The following MAN2A1 variants were observed in gnomAD, a reference collection of about 807,000 sequenced individuals.
MAN2A1 encodes the protein mannosidase alpha class 2A member 1.
In MAN2A1, 76 loss-of-function variants were observed where a neutral mutation model predicts 142.6. The observed-to-expected ratio is 0.53, with a 90% CI of 0.44 to 0.65. MAN2A1 has a LOEUF of 0.65. Ranked by LOEUF, MAN2A1 falls within the 30% of genes least tolerant of loss-of-function variation. The probability of loss-of-function intolerance (pLI) is 0.00; values close to 1 mark genes in which losing one functional copy is unlikely to be tolerated. For synonymous variants in MAN2A1, 559 were observed against 473.2 expected (o/e 1.18, Z -2.35); for missense variants, 1,311 against 1,365.1 (o/e 0.96, Z 0.62).
chr5:109,762,434 T>A (rs1311019469), intron 5 of MAN2A1, among the ~76,000 whole-genome samples: 1 of 152,182 alleles, frequency 6.6e-6, no homozygotes, highest in Non-Finnish European at 1.5e-5. Context: ...CACACATACA[T>A]ACATTTTGGC....
At position 109,832,432 on chromosome 5, in the gene MAN2A1, C is replaced by T. The variant is rs147119167; in HGVS notation, c.2566+8595C>T. The stretch of plus-strand genomic sequence containing the variant: ...TTAACAAACCACATCCTGCACCGCC[C>T]TTAATCCATTTAACCCTGAGTGGAC... On this transcript the variant is annotated intron_variant, in intron 16 of 21. Transcript: ENST00000261483. 9.0e-3 allele frequency among the ~76,000 whole-genome samples: 1,370 copies of T among 152,082 alleles called. 4 individuals carry two copies. Among genetic ancestry groups the T allele is most frequent in the Middle Eastern group, 0.034 (10 of 294 alleles).
At chr5:109,741,011 A>T (rs1469591082) in intron 4 of MAN2A1, among the ~76,000 whole-genome samples, 1 of 152,148 alleles carries the variant, frequency 6.6e-6, no homozygotes, top group African/African-American at 2.4e-5. Flanking sequence ...CATCAGTCCA[A>T]TATTACACAT....
At chr5:109,757,600 A>ATG (rs1396251995) in intron 5 of MAN2A1, among the ~76,000 whole-genome samples, 1 of 152,200 alleles carries the variant, frequency 6.6e-6, no homozygotes, top group African/African-American at 2.4e-5. Context: ...TTTCACATAA[A>ATG]TTCATAGATT....
At position 109,784,931 on chromosome 5, in the gene MAN2A1, T is replaced by C. The variant is rs1348403119; in HGVS notation, c.1760+5T>C. ...GGTTGTGGATTATGGTACCAGGTAATCTAATTATAGAAAAATCATCTTTAA... is the reference window on the plus strand; with the variant it reads ...GGTTGTGGATTATGGTACCAGGTAACCTAATTATAGAAAAATCATCTTTAA... On this transcript the variant is annotated splice_donor_5th_base_variant and intron_variant, in intron 10 of 21. Coordinates refer to ENST00000261483, the MANE Select transcript of MAN2A1 (RefSeq NM_002372.4). 7.0e-6 allele frequency: 11 copies of C among 1,561,076 alleles called. No individual in the cohort carries two copies. Among genetic ancestry groups the C allele is most frequent in the African/African-American group, 1.4e-5 (1 of 72,220 alleles).
intron 17 of MAN2A1, among the ~76,000 whole-genome samples, chr5:109,843,462 T>C (rs1054633240): frequency 1.3e-5 from 2 of 152,166 alleles, no homozygotes; most frequent in African/African-American, 4.8e-5. Flanking sequence ...GGATACAAAG[T>C]CTATATTAGT....
At chr5:109,753,384 C>T (rs966626963) in intron 4 of MAN2A1, among the ~76,000 whole-genome samples, 6 of 152,052 alleles carry the variant, frequency 3.9e-5, no homozygotes, top group African/African-American at 1.4e-4. Flanking sequence ...TAAAGAAGGG[C>T]GTTTTTTAGA....
At chr5:109,784,417 T>G (rs1235553361) in intron 9 of MAN2A1, among the ~76,000 whole-genome samples, 1 of 152,158 alleles carries the variant, frequency 6.6e-6, no homozygotes, top group Non-Finnish European at 1.5e-5. Context: ...GAGAAATTTA[T>G]CCAATTTTTC....
chr5:109,858,813 T>C (rs1319894560), intron 20 of MAN2A1, among the ~76,000 whole-genome samples: 1 of 152,214 alleles, frequency 6.6e-6, no homozygotes, highest in Non-Finnish European at 1.5e-5. Context: ...GGTTTCTCAA[T>C]TCTAAACCTC....
chr5:109,727,563 G>A (rs1751779938), intron 3 of MAN2A1, among the ~76,000 whole-genome samples: 1 of 152,252 alleles, frequency 6.6e-6, no homozygotes, highest in East Asian at 1.9e-4. Flanking sequence ...GAAATTTTGG[G>A]TAACCAATAT....
chr5:109,771,370 T>A (rs1230116285), intron 7 of MAN2A1, among the ~76,000 whole-genome samples: 1 of 152,240 alleles, frequency 6.6e-6, no homozygotes. Context: ...TAAAAAAAAG[T>A]GTGTGAGGAA....
chr5:109,776,778 C>T, intron 8 of MAN2A1, among the ~76,000 whole-genome samples: 1 of 152,174 alleles, frequency 6.6e-6, no homozygotes, highest in East Asian at 1.9e-4. Flanking sequence ...AAAGCAACCA[C>T]TACTTTCACA....
chr5:109,794,568 T>A (rs763662), intron 12 of MAN2A1, among the ~76,000 whole-genome samples: 11,404 of 152,138 alleles, frequency 0.075, 561 homozygotes, highest in African/African-American at 0.15. Flanking sequence ...CTCTCCAGCT[T>A]CTGTTATTTT....
At chr5:109,725,273 C>T (rs1751712140) in intron 3 of MAN2A1, among the ~76,000 whole-genome samples, 1 of 152,220 alleles carries the variant, frequency 6.6e-6, no homozygotes, top group Admixed American at 6.5e-5. Context: ...TCTAGTTCCC[C>T]ACTGGAATAT....
chr5:109,759,951 A>C (rs1164217316), intron 5 of MAN2A1, among the ~76,000 whole-genome samples: 1 of 39,884 alleles, frequency 2.5e-5, no homozygotes, highest in Non-Finnish European at 4.6e-5. Flanking sequence ...TTGTTGCTAT[A>C]TATATATATA....
intron 4 of MAN2A1, among the ~76,000 whole-genome samples, chr5:109,741,038 T>C (rs1000561945): frequency 6.6e-6 from 1 of 152,176 alleles, no homozygotes; most frequent in East Asian, 1.9e-4. Context: ...TGGTAAGATA[T>C]TGGAGGGGAC....
intron 5 of MAN2A1, among the ~76,000 whole-genome samples, chr5:109,760,282 A>G: frequency 6.6e-6 from 1 of 152,206 alleles, no homozygotes; most frequent in Non-Finnish European, 1.5e-5. Context: ...GATGGTTTCC[A>G]GCTTCATTCA....
rs529633801 is a variant in MAN2A1 at position 109,869,484 on chromosome 5, C to A, written c.*2486C>A. Reference sequence around the variant, plus strand: ...CCGAAGTGTTTTGATATTCCTTTGTCTGGAAGAAAATGTTTGCTTTCATTT... The same window carrying A: ...CCGAAGTGTTTTGATATTCCTTTGTATGGAAGAAAATGTTTGCTTTCATTT... On this transcript the variant is annotated 3_prime_UTR_variant, in exon 22 of 22. Transcript: ENST00000261483. 6.6e-6 allele frequency: 1 copy of A among 152,214 alleles called. No homozygotes were observed. The highest frequency in any genetic ancestry group is 1.9e-4 in the East Asian group (1 of 5,178). The allele number at this position is 152,214 out of a possible 1,614,324, so 9.4% of individuals were successfully genotyped here. A position where few individuals can be genotyped will look rare whatever the true frequency, so the allele number is the denominator to read the frequency against.
At chr5:109,722,300 A>G (rs1751626998) in intron 3 of MAN2A1, among the ~76,000 whole-genome samples, 1 of 152,210 alleles carries the variant, frequency 6.6e-6, no homozygotes, top group South Asian at 2.1e-4. Flanking sequence ...ATTGAAATGA[A>G]TGTCTCTGTC....
intron 3 of MAN2A1, among the ~76,000 whole-genome samples, chr5:109,723,568 G>A (rs1329764396): frequency 6.6e-6 from 1 of 151,958 alleles, no homozygotes; most frequent in Non-Finnish European, 1.5e-5. Context: ...CTGTTTCTCT[G>A]CTTCTACTTT....
Sources: gnomAD v4.1 joint callset for allele counts (sites outside exome capture counted in the v4.1 genomes callset) on GRCh38, gnomAD v4.1.1 for gene constraint, MANE v1.5 for transcripts, NCBI Gene and HGNC (gene_info 2026-07-23, HGNC 2026-07-21) for gene names.